SGCZ: variants seen among roughly 807,000 people sequenced by gnomAD.
SGCZ encodes the protein zeta-sarcoglycan.
Under a neutral mutation model 41.3 loss-of-function variants are expected in SGCZ, and 40 were observed. That is an observed-to-expected ratio of 0.97 (90% CI 0.75 to 1.26). The LOEUF is 1.26. SGCZ is among the 50% of genes most tolerant of loss of function. The probability of loss-of-function intolerance (pLI) is 0.00; values close to 1 mark genes in which losing one functional copy is unlikely to be tolerated. For synonymous variants in SGCZ, 206 were observed against 137.5 expected, an observed-to-expected ratio of 1.50 and a Z score of -3.49; for missense variants, 552 against 369.8, an observed-to-expected ratio of 1.49 and a Z score of -4.04.
chr8:14,243,101 C>T lies in SGCZ; in HGVS notation c.337-5422G>A, dbSNP rs1478401232. The stretch of plus-strand genomic sequence containing the variant: ...ATGAGGAGGGTATGTTATAAACTGT[C>T]ATCTGCCTACACATTTTAGAAAGTA... On this transcript the variant is annotated intron_variant, in intron 3 of 7. Transcript: ENST00000382080. Among the ~76,000 whole-genome samples, 3 of 152,302 alleles carry T rather than the reference C, an allele frequency of 2.0e-5. No homozygotes were observed. In the East Asian group the frequency reaches 5.8e-4, roughly 29 times the overall value.
chr8:14,994,113 G>C (rs1458947753), intron 1 of SGCZ, among the ~76,000 whole-genome samples: 1 of 152,112 alleles, frequency 6.6e-6, no homozygotes, highest in African/African-American at 2.4e-5. Context: ...CTTATCTTTA[G>C]TTCATTCATT....
intron 2 of SGCZ, among the ~76,000 whole-genome samples, chr8:14,550,951 A>G (rs1222363324): frequency 1.3e-5 from 2 of 151,912 alleles, no homozygotes; most frequent in Non-Finnish European, 2.9e-5. Flanking sequence ...CTTTCAGCCA[A>G]CTTTCTTCCC....
At chr8:14,761,903 G>A (rs890864659) in intron 1 of SGCZ, among the ~76,000 whole-genome samples, 1 of 152,084 alleles carries the variant, frequency 6.6e-6, no homozygotes, top group African/African-American at 2.4e-5. Context: ...TCAGTAGATT[G>A]TCCTGAGGAA....
At chr8:15,104,515 A>C (rs951982950) in intron 1 of SGCZ, among the ~76,000 whole-genome samples, 1 of 152,234 alleles carries the variant, frequency 6.6e-6, no homozygotes, top group African/African-American at 2.4e-5. Flanking sequence ...ATAAAAAGTA[A>C]AATTCTCTTT....
chr8:14,844,177 T>C (rs1239255055), intron 1 of SGCZ, among the ~76,000 whole-genome samples: 1 of 152,120 alleles, frequency 6.6e-6, no homozygotes, highest in Non-Finnish European at 1.5e-5. Flanking sequence ...TATTTACATA[T>C]AACCTACACA....
chr8:14,525,955 A>G (rs970060232), intron 2 of SGCZ, among the ~76,000 whole-genome samples: 15 of 152,158 alleles, frequency 9.9e-5, no homozygotes, highest in African/African-American at 3.4e-4. Context: ...AAAGTTAGAG[A>G]TAGTCTAAGC....
chr8:15,091,928 G>A (rs924627375), intron 1 of SGCZ, among the ~76,000 whole-genome samples: 5 of 151,772 alleles, frequency 3.3e-5, no homozygotes, highest in African/African-American at 1.2e-4. Context: ...AATTTTTTGT[G>A]TATTTTGTAG....
chr8:14,407,914 C>CGAAAAGCAAAA (rs1799255289), intron 2 of SGCZ, among the ~76,000 whole-genome samples: 1 of 152,124 alleles, frequency 6.6e-6, no homozygotes, highest in Non-Finnish European at 1.5e-5. Flanking sequence ...TCTTGAGTCT[C>CGAAAAGCAAAA]ACGTTTTTGC....
Position 14,799,801 on chromosome 8 carries a change from T to A in SGCZ, c.40-244875A>T, listed in dbSNP as rs138305292. ...TTGCCTACTTCTCGCTGGCCTGCAG[T>A]AATTCACATGACCACACCCAAACAT... is the stretch of plus-strand genomic sequence containing the variant. On this transcript the variant is annotated intron_variant, in intron 1 of 7. Transcript: ENST00000382080. Among the ~76,000 whole-genome samples the A allele has an allele frequency of 3.5e-3, 529 of 152,294 alleles. 3 individuals are homozygous for A. The highest frequency in any genetic ancestry group is 0.011 in the African/African-American group (477 of 41,556).
chr8:14,969,834 A>T (rs1425954819), intron 1 of SGCZ, among the ~76,000 whole-genome samples: 4 of 152,094 alleles, frequency 2.6e-5, no homozygotes, highest in Non-Finnish European at 5.9e-5. Context: ...TGATATAGAC[A>T]TTTATGTGCA....
At chr8:14,796,666 A>T (rs2130487160) in intron 1 of SGCZ, among the ~76,000 whole-genome samples, 1 of 152,240 alleles carries the variant, frequency 6.6e-6, no homozygotes, top group South Asian at 2.1e-4. Context: ...AATGAATAAG[A>T]CTCTTAGTAA....
chr8:14,097,996 C>G (rs1801896409), intron 7 of SGCZ, among the ~76,000 whole-genome samples: 1 of 152,068 alleles, frequency 6.6e-6, no homozygotes, highest in South Asian at 2.1e-4. Flanking sequence ...TATTTTATAG[C>G]CATCTTCACA....
At chr8:14,108,102 T>A in intron 6 of SGCZ, 61 bp downstream of exon 6, 1 of 1,446,704 alleles carries the variant, frequency 6.9e-7, no homozygotes, top group South Asian at 1.2e-5. Flanking sequence ...TAGTTCTTCA[T>A]ATATTAAGGA....
intron 1 of SGCZ, among the ~76,000 whole-genome samples, chr8:14,788,473 G>T (rs972801853): frequency 6.6e-5 from 10 of 152,152 alleles, no homozygotes; most frequent in Non-Finnish European, 1.5e-4. Flanking sequence ...GTGAAATTTT[G>T]TTGGGGCAGC....
intron 1 of SGCZ, among the ~76,000 whole-genome samples, chr8:15,163,075 A>G (rs1283756502): frequency 1.3e-5 from 2 of 152,222 alleles, no homozygotes; most frequent in Non-Finnish European, 2.9e-5. Context: ...CAGACAGATC[A>G]CCAAAGAACT....
intron 2 of SGCZ, among the ~76,000 whole-genome samples, chr8:14,373,018 T>C (rs1438060153): frequency 6.6e-6 from 1 of 152,180 alleles, no homozygotes. Context: ...CAAGTATTGA[T>C]AATAACCTGC....
Position 15,097,888 on chromosome 8 carries a change from G to GTATATATATATACACGTGTATATA in SGCZ, c.39+139696_39+139697insTATATACACGTGTATATATATATA, listed in dbSNP as rs1563124124. Among the ~76,000 whole-genome samples, 356 of 120,638 alleles carry GTATATATATATACACGTGTATATA rather than the reference G, an allele frequency of 3.0e-3. 5 individuals are homozygous for GTATATATATATACACGTGTATATA. The highest frequency in any genetic ancestry group is 0.012 in the African/African-American group (347 of 28,824). The allele number at this position is 120,638 out of a possible 152,430, so 79.1% of individuals were successfully genotyped here. A position where few individuals can be genotyped will look rare whatever the true frequency, so the allele number is the denominator to read the frequency against. On this transcript the variant is annotated intron_variant, in intron 1 of 7. Transcript: ENST00000382080. ...TGTGTATATATATATATATACGTGT[G>GTATATATATATACACGTGTATATA]TATATATATATATATATATATACGT...
intron 1 of SGCZ, among the ~76,000 whole-genome samples, chr8:15,197,709 G>C (rs79909724): frequency 0.049 from 7,414 of 152,184 alleles, 237 homozygotes; most frequent in Middle Eastern, 0.068. Context: ...TGAGGGCCCT[G>C]CCTCAAAAAC....
At chr8:15,025,803 G>A (rs1195650705) in intron 1 of SGCZ, among the ~76,000 whole-genome samples, 1 of 152,096 alleles carries the variant, frequency 6.6e-6, no homozygotes, top group African/African-American at 2.4e-5. Flanking sequence ...TTTAAATTTT[G>A]TTCCATTTGC....
Sources: allele counts gnomAD v4.1 joint callset (sites outside exome capture counted in the v4.1 genomes callset), GRCh38; gene constraint gnomAD v4.1.1; transcripts MANE v1.5; gene names NCBI Gene and HGNC (gene_info 2026-07-23, HGNC 2026-07-21).